Variants in ATP11A observed in about 807,000 individuals in gnomAD.
ATP11A encodes phospholipid-transporting ATPase IH.
Under a neutral mutation model 154.4 loss-of-function variants are expected in ATP11A, and 81 were observed. That is an observed-to-expected ratio of 0.52 (90% CI 0.44 to 0.63). The LOEUF is 0.63. Among genes scored for constraint, ATP11A ranks in the 30% least tolerant of loss-of-function variants. ATP11A has a pLI of 0.00. For missense variants in ATP11A, 1,316 were observed against 1,474.3 expected (o/e 0.89, Z 1.76); for synonymous variants, 623 against 585.9 (o/e 1.06, Z -0.91).
At chr13:112,810,330 CAA>C (rs1421040939) in intron 4 of ATP11A, among the ~76,000 whole-genome samples, 1 of 152,194 alleles carries the variant, frequency 6.6e-6, no homozygotes, top group Non-Finnish European at 1.5e-5. Context: ...TGAATAGGCA[CAA>C]AAAGTACAGT....
chr13:112,817,646 C>T (rs1341026407), intron 6 of ATP11A, among the ~76,000 whole-genome samples: 6 of 152,204 alleles, frequency 3.9e-5, no homozygotes, highest in South Asian at 2.1e-4. Context: ...TGGTCAGGCT[C>T]AGATGAGTCC....
chr13:112,801,746 G>T (rs901590002), intron 2 of ATP11A, among the ~76,000 whole-genome samples: 1 of 152,172 alleles, frequency 6.6e-6, no homozygotes, highest in Admixed American at 6.5e-5. Context: ...CAAGGTCTAG[G>T]TAAGGAAAAC....
intron 1 of ATP11A, among the ~76,000 whole-genome samples, chr13:112,693,413 CGGG>C (rs1366024620): frequency 7.4e-6 from 1 of 134,576 alleles, no homozygotes; most frequent in Non-Finnish European, 1.6e-5. Flanking sequence ...TATGTGCTGT[CGGG>C]GGCGTGAGGT....
At chr13:112,840,206 C>A (rs1459617431) in intron 16 of ATP11A, among the ~76,000 whole-genome samples, 1 of 112,854 alleles carries the variant, frequency 8.9e-6, no homozygotes. Flanking sequence ...CCGTGCCGTC[C>A]AGCCTCAGCC....
At chr13:112,831,598 G>T (rs1464393206) in intron 13 of ATP11A, 50 bp downstream of exon 13, 1 of 1,587,492 alleles carries the variant, frequency 6.3e-7, no homozygotes, top group East Asian at 2.2e-5. Context: ...GTGGGCGGCT[G>T]TGCATGCTGA....
chr13:112,858,340 A>G lies in ATP11A; in HGVS notation c.2667+50A>G, dbSNP rs374358202. The G allele has an allele frequency of 4.6e-5, 72 of 1,561,080 alleles. No homozygotes were observed. The African/African-American group carries it at 9.2e-4, about 20-fold the overall frequency. On this transcript the variant is annotated intron_variant, in intron 22 of 29. Transcript: ENST00000375645. ...ACGGTGTTAGCAACAGGTCACGCACAGGGTGGCACGACCCTTGTCTGAGCC... is the reference window on the plus strand; with the variant it reads ...ACGGTGTTAGCAACAGGTCACGCACGGGGTGGCACGACCCTTGTCTGAGCC...
intron 5 of ATP11A, chr13:112,811,744 A>C (rs375549728): frequency 6.6e-6 from 1 of 152,258 alleles, no homozygotes; most frequent in East Asian, 1.9e-4. Flanking sequence ...AGCTGGGATT[A>C]CAGGCGCCTG....
chr13:112,761,810 G>A (rs996965044), intron 1 of ATP11A, among the ~76,000 whole-genome samples: 1 of 152,182 alleles, frequency 6.6e-6, no homozygotes, highest in East Asian at 1.9e-4. Context: ...GTGTGGCCCC[G>A]GCTGGAACAC....
At chr13:112,831,917 CTGTG>C (rs1428627774) in intron 13 of ATP11A, among the ~76,000 whole-genome samples, 1 of 150,880 alleles carries the variant, frequency 6.6e-6, no homozygotes, top group African/African-American at 2.5e-5. Context: ...TGCCCAGACA[CTGTG>C]TGCACACACA....
chr13:112,715,395 C>A, intron 1 of ATP11A, among the ~76,000 whole-genome samples: 1 of 144,572 alleles, frequency 6.9e-6, no homozygotes, highest in Non-Finnish European at 1.5e-5. Context: ...CCGATCCCCC[C>A]ACACCTGGCC....
chr13:112,879,742 G>A (rs75378239), intron 29 of ATP11A, among the ~76,000 whole-genome samples: 3,659 of 152,330 alleles, frequency 0.024, 158 homozygotes, highest in African/African-American at 0.081. Context: ...GACCACCTGC[G>A]TTCTGCAAAA....
intron 29 of ATP11A, chr13:112,880,529 C>A: frequency 7.7e-7 from 1 of 1,295,934 alleles, no homozygotes; most frequent in Admixed American, 2.3e-5. Context: ...CGCTCAGTAT[C>A]TTTCCTCGCC....
chr13:112,809,176 A>G (rs1406969120), intron 4 of ATP11A, among the ~76,000 whole-genome samples: 5 of 152,140 alleles, frequency 3.3e-5, no homozygotes, highest in Non-Finnish European at 5.9e-5. Flanking sequence ...CCCAGGAATC[A>G]TCTACCCACT....
At chr13:112,763,159 C>G (rs17121638) in intron 1 of ATP11A, among the ~76,000 whole-genome samples, 7,875 of 152,246 alleles carry the variant, frequency 0.052, 701 homozygotes, top group African/African-American at 0.18. Flanking sequence ...TATAGCAAAT[C>G]CCAGGTACAC....
In ATP11A at chr13:112,778,601, C is replaced by T. The variant is rs184252066; in HGVS notation, c.40-6534C>T. Among the ~76,000 whole-genome samples the T allele has an allele frequency of 2.1e-4, 32 of 151,424 alleles. No homozygotes were observed. The East Asian group carries it at 3.5e-3, about 17-fold the overall frequency. On this transcript the variant is annotated intron_variant, in intron 1 of 29. Transcript: ENST00000375645. ...GTGAGTAGCCACTGGAATGAGTAGCCGCTGGTTTGAGGAGTAGCCACTGGA... is the reference window on the plus strand; with the variant it reads ...GTGAGTAGCCACTGGAATGAGTAGCTGCTGGTTTGAGGAGTAGCCACTGGA...
At chr13:112,706,846 T>C (rs936771029) in intron 1 of ATP11A, among the ~76,000 whole-genome samples, 20 of 152,244 alleles carry the variant, frequency 1.3e-4, no homozygotes, top group Admixed American at 1.2e-3. Context: ...CTGTTTGATA[T>C]TGGAATACAC....
chr13:112,721,101 G>A (rs1889124103), intron 1 of ATP11A, among the ~76,000 whole-genome samples: 1 of 152,188 alleles, frequency 6.6e-6, no homozygotes, highest in Non-Finnish European at 1.5e-5. Context: ...AAGGGTGTAT[G>A]TAAGGCCAGT....
At chr13:112,775,202 G>T (rs968863819) in intron 1 of ATP11A, among the ~76,000 whole-genome samples, 2 of 152,260 alleles carry the variant, frequency 1.3e-5, no homozygotes, top group African/African-American at 4.8e-5. Context: ...GGCTGGCCGC[G>T]TAGCTTCCAG....
intron 18 of ATP11A, among the ~76,000 whole-genome samples, chr13:112,852,791 G>A (rs557564054): frequency 5.4e-5 from 8 of 146,940 alleles, no homozygotes; most frequent in African/African-American, 2.1e-4. Flanking sequence ...TTGGCGGGGG[G>A]GGATCTCAGT....
Sources: gnomAD v4.1 joint callset for allele counts (sites outside exome capture counted in the v4.1 genomes callset) on GRCh38, gnomAD v4.1.1 for gene constraint, MANE v1.5 for transcripts, NCBI Gene and HGNC (gene_info 2026-07-23, HGNC 2026-07-21) for gene names.